The following RGL3 variants were observed in gnomAD, a reference collection of about 807,000 sequenced individuals.
RGL3 encodes ral guanine nucleotide dissociation stimulator like 3.
RGL3 carries 85 observed loss-of-function variants against 90.6 expected under a neutral mutation model. The ratio of observed to expected loss-of-function variants is 0.94; its 90% CI spans 0.79 to 1.12. The LOEUF is 1.12. RGL3 is among the 50% of genes most tolerant of loss of function. RGL3 has a pLI of 0.00. For missense variants in RGL3, 1,034 were observed against 939.2 expected (o/e 1.10, Z -1.32); for synonymous variants, 408 against 385.5 (o/e 1.06, Z -0.68).
Position 11,394,523 on chromosome 19 carries a change from G to A in RGL3, c.2015-3C>T. The stretch of plus-strand genomic sequence containing the variant: ...GGCATTGTCAGGAATCAGGAGCACT[G>A]GTCAGGAGTGGAGATGGTGGTAATA... On this transcript the variant is annotated splice_region_variant and splice_polypyrimidine_tract_variant and intron_variant, in intron 18 of 18. Coordinates refer to ENST00000380456, the MANE Select transcript of RGL3 (RefSeq NM_001035223.4). 1 of 1,606,886 alleles carries A rather than the reference G, an allele frequency of 6.2e-7. No homozygotes were observed. Among genetic ancestry groups the A allele is most frequent in the Non-Finnish European group, 8.5e-7 (1 of 1,173,640 alleles).
chr19:11,404,863 G>C (rs1385870460), intron 9 of RGL3, among the ~76,000 whole-genome samples: 1 of 151,736 alleles, frequency 6.6e-6, no homozygotes, highest in Non-Finnish European at 1.5e-5. Context: ...CATTTTTTTT[G>C]TTCCCACCCT....
intron 5 of RGL3, among the ~76,000 whole-genome samples, chr19:11,412,907 A>C (rs1968897382): frequency 6.6e-6 from 1 of 152,154 alleles, no homozygotes. Context: ...TGGAGGTTGC[A>C]GTAAGCCAAG....
At chr19:11,412,173 G>A (rs370004743) in intron 5 of RGL3, among the ~76,000 whole-genome samples, 7 of 151,440 alleles carry the variant, frequency 4.6e-5, no homozygotes, top group South Asian at 2.1e-4. Context: ...CCAGCTACTC[G>A]GGAGGCTGAG....
At chr19:11,410,779 ACATGCTGCATGAAAC>A (rs1968861102) in intron 5 of RGL3, among the ~76,000 whole-genome samples, 2 of 152,180 alleles carry the variant, frequency 1.3e-5, no homozygotes, top group East Asian at 1.9e-4. Flanking sequence ...GGATAGAGAA[ACATGCTGCATGAAAC>A]CATGAGGTAA....
At chr19:11,398,668 C>CT (rs200565569) in intron 16 of RGL3, among the ~76,000 whole-genome samples, 138 of 149,560 alleles carry the variant, frequency 9.2e-4, no homozygotes, top group African/African-American at 3.1e-3. Flanking sequence ...ATTTCCTTTT[C>CT]TTTTTTTGTT....
At chr19:11,406,177 G>A (rs1968774479) in intron 7 of RGL3, among the ~76,000 whole-genome samples, 1 of 151,836 alleles carries the variant, frequency 6.6e-6, no homozygotes, top group East Asian at 1.9e-4. Context: ...CCCTGCCTCC[G>A]ACCTTGACTT....
At chr19:11,395,445 C>T (rs1380754363) in intron 18 of RGL3, among the ~76,000 whole-genome samples, 1 of 152,174 alleles carries the variant, frequency 6.6e-6, no homozygotes, top group East Asian at 1.9e-4. Context: ...TTGCCTCTCT[C>T]CCGTCCCAAG....
At chr19:11,414,403 T>TTA (rs1223174476) in intron 5 of RGL3, among the ~76,000 whole-genome samples, 12 of 115,220 alleles carry the variant, frequency 1.0e-4, no homozygotes, top group Middle Eastern at 3.9e-3. Flanking sequence ...ATATATACCT[T>TTA]TATATATATA....
At chr19:11,410,680 T>C (rs1317261162) in intron 5 of RGL3, among the ~76,000 whole-genome samples, 1 of 151,084 alleles carries the variant, frequency 6.6e-6, no homozygotes, top group Non-Finnish European at 1.5e-5. Context: ...AGAAACTGTC[T>C]CTCCTCCCCC....
chr19:11,416,216 C>CTT (rs143904966), intron 4 of RGL3, 68 bp from the exon 5 acceptor site: 690 of 628,472 alleles, frequency 1.1e-3, no homozygotes, highest in South Asian at 2.2e-3. Context: ...CTCCTGGTAC[C>CTT]TTTTTTTTTT....
At chr19:11,404,208 G>A (rs1030327431) in intron 9 of RGL3, among the ~76,000 whole-genome samples, 11 of 152,196 alleles carry the variant, frequency 7.2e-5, no homozygotes, top group Middle Eastern at 3.2e-3. Context: ...GTGCTGGGCA[G>A]GAAAACAGGG....
At chr19:11,397,025 T>A (rs1468774281) in intron 18 of RGL3, among the ~76,000 whole-genome samples, 3 of 152,068 alleles carry the variant, frequency 2.0e-5, no homozygotes, top group African/African-American at 7.2e-5. Context: ...TTGGTACCTC[T>A]CTCTCACACT....
rs1968530981 is a variant in RGL3 at position 11,394,493 on chromosome 19, A to T, written c.2042T>A (p.Val681Asp). The change falls in exon 19 of 19, where the codon GTC becomes GAC. Residue 681 changes from valine (V) to aspartate (D), a missense_variant. Val to Asp is a radical substitution (Grantham distance 152, BLOSUM62 -3). Coordinates refer to ENST00000380456, the MANE Select transcript of RGL3 (RefSeq NM_001035223.4). Reference sequence around the variant, plus strand: ...GGCGACTGGACTCATGGCATAGAAGACGTTGGCATTGTCAGGAATCAGGAG... The same window carrying T: ...GGCGACTGGACTCATGGCATAGAAGTCGTTGGCATTGTCAGGAATCAGGAG... ...RVLLIPDNAN[V>D]FYAMSPVAPR... is the part of the protein sequence containing the mutation. 6.2e-7 allele frequency: 1 copy of T among 1,613,924 alleles called. No individual in the cohort carries two copies. The highest frequency in any genetic ancestry group is 1.1e-5 in the South Asian group (1 of 91,060).
At chr19:11,398,058 A>T (rs976769772) in intron 16 of RGL3, among the ~76,000 whole-genome samples, 3 of 152,104 alleles carry the variant, frequency 2.0e-5, no homozygotes, top group African/African-American at 7.2e-5. Flanking sequence ...AAGAAAACAT[A>T]CTACTACCCC....
Position 11,397,483 on chromosome 19 carries a change from T to C in RGL3, c.1861A>G (p.Ile621Val). The C allele has an allele frequency of 6.2e-7, 1 of 1,613,436 alleles. No individual in the cohort carries two copies. Among genetic ancestry groups the C allele is most frequent in the Admixed American group, 1.7e-5 (1 of 59,942 alleles). The change falls in exon 17 of 19, where the codon ATC (isoleucine) becomes GTC (valine). Residue 621 changes from isoleucine (I) to valine (V), a missense_variant. Transcript: ENST00000380456. ...TACAGGTTCCCGTGGTCATTGTCGA[T>C]GCTGACGCGGATGACACGGGCCTCC... ...SSEARVIRVS[I>V]DNDHGNLYRS... is the part of the protein sequence containing the mutation.
intron 13 of RGL3, among the ~76,000 whole-genome samples, chr19:11,401,347 G>C (rs201733645): frequency 6.7e-6 from 1 of 150,340 alleles, no homozygotes; most frequent in African/African-American, 2.5e-5. Flanking sequence ...TCCCACCTCA[G>C]CCTCCCAAGT....
chr19:11,408,447 G>A (rs1306194598), intron 5 of RGL3, among the ~76,000 whole-genome samples: 3 of 152,102 alleles, frequency 2.0e-5, no homozygotes, highest in African/African-American at 7.2e-5. Flanking sequence ...TTAGCCGGGC[G>A]TGATGGCACG....
chr19:11,411,070 G>C (rs931166497), intron 5 of RGL3, among the ~76,000 whole-genome samples: 1 of 151,858 alleles, frequency 6.6e-6, no homozygotes, highest in African/African-American at 2.4e-5. Context: ...TTAGCTGGGC[G>C]TGTTGGTGGG....
chr19:11,401,823 C>T (rs924919925), intron 13 of RGL3, among the ~76,000 whole-genome samples, 188 bp downstream of exon 13: 10 of 152,024 alleles, frequency 6.6e-5, no homozygotes, highest in South Asian at 2.1e-4. Flanking sequence ...TGGGATTACA[C>T]GAGTAAACCA....
Sources: allele counts gnomAD v4.1 joint callset (sites outside exome capture counted in the v4.1 genomes callset), GRCh38; gene constraint gnomAD v4.1.1; transcripts MANE v1.5; gene names NCBI Gene and HGNC (gene_info 2026-07-23, HGNC 2026-07-21).